HTRA1: variants seen among roughly 807,000 people sequenced by gnomAD.
HTRA1 encodes the protein HtrA serine peptidase 1.
In HTRA1, 26 loss-of-function variants were observed where a neutral mutation model predicts 49.7. The ratio of observed to expected loss-of-function variants is 0.52; its 90% CI spans 0.38 to 0.73. The LOEUF (loss-of-function observed/expected upper bound fraction) is 0.73, where lower values mean the gene tolerates loss of function less well. Among genes scored for constraint, HTRA1 ranks in the 30% least tolerant of loss-of-function variants. The probability of loss-of-function intolerance (pLI) is 0.00; values close to 1 mark genes in which losing one functional copy is unlikely to be tolerated. For missense variants in HTRA1, 561 were observed against 667.2 expected, an observed-to-expected ratio of 0.84 and a Z score of 1.75; for synonymous variants, 291 against 286.9, an observed-to-expected ratio of 1.01 and a Z score of -0.14.
chr10:122,476,205 C>G (rs559975122), intron 1 of HTRA1, among the ~76,000 whole-genome samples: 1 of 152,292 alleles, frequency 6.6e-6, no homozygotes, highest in South Asian at 2.1e-4. Context: ...CTCTGCAGTT[C>G]ACGGCTCAGT....
chr10:122,505,006 G>C (rs2133448350), intron 3 of HTRA1, among the ~76,000 whole-genome samples: 1 of 152,362 alleles, frequency 6.6e-6, no homozygotes, highest in East Asian at 1.9e-4. Flanking sequence ...GGTTCCCGCT[G>C]TTGGATTTGC....
intron 3 of HTRA1, among the ~76,000 whole-genome samples, chr10:122,504,013 C>G (rs370821955): frequency 6.6e-6 from 1 of 152,160 alleles, no homozygotes; most frequent in African/African-American, 2.4e-5. Context: ...TCCATCTTGT[C>G]GAAGCCCATG....
chr10:122,469,231 T>C lies in HTRA1; in HGVS notation c.472+7107T>C, dbSNP rs112817380. ...ATCTCTGTGATGAGCTGTTTTTTTTTCTCAAAGTTTGATGAGATTCGCCGT... is the reference window on the plus strand; with the variant it reads ...ATCTCTGTGATGAGCTGTTTTTTTTCCTCAAAGTTTGATGAGATTCGCCGT... On this transcript the variant is annotated intron_variant, in intron 1 of 8. Coordinates refer to ENST00000368984, the MANE Select transcript of HTRA1 (RefSeq NM_002775.5). Among the ~76,000 whole-genome samples the C allele has an allele frequency of 3.3e-3, 499 of 152,324 alleles. 4 individuals carry two copies. The highest frequency in any genetic ancestry group is 0.011 in the African/African-American group (475 of 41,574).
At chr10:122,476,189 G>A (rs532822598) in intron 1 of HTRA1, among the ~76,000 whole-genome samples, 55 of 152,308 alleles carry the variant, frequency 3.6e-4, no homozygotes, top group African/African-American at 1.2e-3. Context: ...GAAGCGCTCT[G>A]TGTTTCTCTG....
chr10:122,477,024 C>CAG (rs2097488831), intron 1 of HTRA1, among the ~76,000 whole-genome samples: 1 of 143,282 alleles, frequency 7.0e-6, no homozygotes, highest in African/African-American at 2.6e-5. Flanking sequence ...CTGGAGTGCA[C>CAG]TGGCGCAATC....
intron 1 of HTRA1, among the ~76,000 whole-genome samples, chr10:122,462,426 C>G (rs1267214503): frequency 6.6e-6 from 1 of 152,228 alleles, no homozygotes; most frequent in African/African-American, 2.4e-5. Context: ...CCACACAGCG[C>G]GGGGACCCCA....
intron 1 of HTRA1, among the ~76,000 whole-genome samples, chr10:122,475,340 A>C (rs2097487951): frequency 1.3e-5 from 2 of 152,140 alleles, no homozygotes; most frequent in African/African-American, 4.8e-5. Context: ...GGCTGCCAAC[A>C]CTTGGAAGTG....
intron 3 of HTRA1, among the ~76,000 whole-genome samples, chr10:122,500,103 T>C (rs1226929050): frequency 6.6e-6 from 1 of 152,200 alleles, no homozygotes; most frequent in African/African-American, 2.4e-5. Context: ...GGGAATGAGA[T>C]TGAATGAGCA....
At chr10:122,481,783 A>T (rs989663281) in intron 1 of HTRA1, among the ~76,000 whole-genome samples, 1 of 152,152 alleles carries the variant, frequency 6.6e-6, no homozygotes, top group African/African-American at 2.4e-5. Context: ...CACTGTTCTC[A>T]TGATAGTGAA....
chr10:122,483,178 GT>G, intron 1 of HTRA1, among the ~76,000 whole-genome samples: 1 of 152,232 alleles, frequency 6.6e-6, no homozygotes, highest in South Asian at 2.1e-4. Context: ...GAAAGAAGTT[GT>G]TGAAAGTAAT....
At chr10:122,491,295 C>T (rs372281437) in intron 3 of HTRA1, among the ~76,000 whole-genome samples, 21 of 152,300 alleles carry the variant, frequency 1.4e-4, no homozygotes, top group South Asian at 4.1e-4. Context: ...GGATAGAGGC[C>T]GGCCCCGTGG....
chr10:122,512,034 A>G lies in HTRA1; in HGVS notation c.1243A>G (p.Ile415Val). 1 of 1,613,546 alleles carries G rather than the reference A, an allele frequency of 6.2e-7. No individual in the cohort carries two copies. The highest frequency in any genetic ancestry group is 8.5e-7 in the Non-Finnish European group (1 of 1,179,498). ...FPDVISGAYI[I>V]EVIPDTPAEA... is the part of the protein sequence containing the mutation. ...AGACGTGATCTCAGGAGCGTATATA[A>G]TTGAAGTAATTCCTGATACCCCAGC... Residue 415 changes from isoleucine to valine, a missense_variant, in exon 8 of 9, where the codon ATT becomes GTT. By Grantham distance (29) the Ile-to-Val change is conservative. Transcript: ENST00000368984.
intron 1 of HTRA1, among the ~76,000 whole-genome samples, chr10:122,486,353 T>C (rs1004303907): frequency 1.3e-5 from 2 of 152,248 alleles, no homozygotes; most frequent in Non-Finnish European, 2.9e-5. Context: ...GATACTGTTC[T>C]GAATTTGTTA....
Position 122,461,842 on chromosome 10 carries a change from T to G in HTRA1, c.190T>G (p.Cys64Gly), listed in dbSNP as rs2133905148. The change falls in exon 1 of 9, where the codon TGC (cysteine) becomes GGC (glycine). Residue 64 changes from cysteine (C) to glycine (G), a missense_variant. Cys to Gly is a radical substitution (Grantham distance 159). Coordinates refer to ENST00000368984, the MANE Select transcript of HTRA1 (RefSeq NM_002775.5). ...EGGRARDACG[C>G]CEVCGAPEGA... The stretch of plus-strand genomic sequence containing the variant: ...CGGCCGGGCCCGGGACGCGTGCGGC[T>G]GCTGCGAGGTGTGCGGCGCGCCCGA... 1 of 1,154,204 alleles carries G rather than the reference T, an allele frequency of 8.7e-7. No homozygotes were observed. Among genetic ancestry groups the G allele is most frequent in the South Asian group, 4.2e-5 (1 of 23,926 alleles). The allele number at this position is 1,154,204 out of a possible 1,614,324, so 71.5% of individuals were successfully genotyped here. A position where few individuals can be genotyped will look rare whatever the true frequency, so the allele number is the denominator to read the frequency against.
intron 1 of HTRA1, among the ~76,000 whole-genome samples, chr10:122,463,079 A>C (rs1377097997): frequency 6.6e-6 from 1 of 152,274 alleles, no homozygotes; most frequent in Non-Finnish European, 1.5e-5. Flanking sequence ...GGGGCTTGGC[A>C]GTGCGCTTGG....
At chr10:122,478,326 G>T (rs2097489508) in intron 1 of HTRA1, among the ~76,000 whole-genome samples, 3 of 151,554 alleles carry the variant, frequency 2.0e-5, no homozygotes, top group African/African-American at 7.3e-5. Context: ...TGGGTACCTT[G>T]CCTCCCTGCA....
chr10:122,482,120 G>A (rs568841069), intron 1 of HTRA1, among the ~76,000 whole-genome samples: 1 of 152,140 alleles, frequency 6.6e-6, no homozygotes, highest in African/African-American at 2.4e-5. Flanking sequence ...ATAAGTATTT[G>A]TGTCCCTATA....
intron 1 of HTRA1, among the ~76,000 whole-genome samples, chr10:122,465,787 G>A (rs1361157436): frequency 6.6e-6 from 1 of 152,178 alleles, no homozygotes; most frequent in Non-Finnish European, 1.5e-5. Flanking sequence ...CAGACAAACT[G>A]CTCTTGAAGA....
intron 2 of HTRA1, 80 bp from the exon 3 acceptor site, chr10:122,489,342 T>C: frequency 1.5e-6 from 2 of 1,290,580 alleles, no homozygotes; most frequent in Non-Finnish European, 2.3e-6. Context: ...GTGTGGCTGT[T>C]GCACAACCCA....
Sources: allele counts gnomAD v4.1 joint callset (sites outside exome capture counted in the v4.1 genomes callset), GRCh38; gene constraint gnomAD v4.1.1; transcripts MANE v1.5; gene names NCBI Gene and HGNC (gene_info 2026-07-23, HGNC 2026-07-21).